Variants in PTPRB observed in about 807,000 individuals in gnomAD.
PTPRB encodes protein tyrosine phosphatase receptor type B.
In PTPRB, 97 loss-of-function variants were observed where a neutral mutation model predicts 238.1. The observed-to-expected ratio is 0.41, with a 90% CI of 0.35 to 0.48. The LOEUF (loss-of-function observed/expected upper bound fraction) is 0.48. PTPRB is among the 20% of genes least tolerant of loss of function. The pLI, the probability that PTPRB is intolerant of heterozygous loss-of-function variation, is 0.30. For synonymous variants in PTPRB, 970 were observed against 995.4 expected (o/e 0.97, Z 0.48); for missense variants, 2,292 against 2,681.9 (o/e 0.85, Z 3.21).
chr12:70,566,615 C>T lies in PTPRB; in HGVS notation c.3724G>A (p.Glu1242Lys), dbSNP rs368832248. ...GTTAGAAGCAGGATATCATATCTTT[C>T]TGCCACACCAGCAGCTTTTTGCCAA... is the stretch of plus-strand genomic sequence containing the variant. ...VSWQKAAGVA[E>K]RYDILLLTEN... The change falls in exon 15 of 34, where the codon GAA becomes AAA. Residue 1242 changes from glutamate (E) to lysine (K), a missense_variant. Glu to Lys is a moderately conservative substitution (Grantham distance 56). Around this residue, in one of 4 missense-constraint regions of PTPRB, gnomAD observed 683 missense variants for 862.0 expected, o/e 0.79. Coordinates refer to ENST00000334414, the MANE Select transcript of PTPRB (RefSeq NM_001109754.4). 1 of 1,614,000 alleles carries T rather than the reference C, an allele frequency of 6.2e-7. No individual in the cohort carries two copies. Among genetic ancestry groups the T allele is most frequent in the Non-Finnish European group, 8.5e-7 (1 of 1,179,904 alleles).
chr12:70,536,049 C>T lies in PTPRB; in HGVS notation c.6057G>A (p.Val2019=). ...WEQNVHNIVM[V]TQCVEKGRVK... The stretch of plus-strand genomic sequence containing the variant: ...CTCGGCCCTTCTCAACACACTGGGT[C>T]ACCATGACGATGTTGTGAACGTTTT... The change falls in exon 29 of 34, where the codon GTG becomes GTA. Residue 2019 remains valine (V), a synonymous_variant. Coordinates refer to ENST00000334414, the MANE Select transcript of PTPRB (RefSeq NM_001109754.4). 1.9e-6 allele frequency: 3 copies of T among 1,613,678 alleles called. No homozygotes were observed. The highest frequency in any genetic ancestry group is 2.5e-6 in the Non-Finnish European group (3 of 1,179,750).
chr12:70,628,291 T>C (rs1486063952), intron 2 of PTPRB, among the ~76,000 whole-genome samples: 1 of 152,206 alleles, frequency 6.6e-6, no homozygotes, highest in Non-Finnish European at 1.5e-5. Flanking sequence ...ACATTCTATA[T>C]TCAGTGTTAC....
chr12:70,584,414 A>G (rs943401199), intron 9 of PTPRB, among the ~76,000 whole-genome samples: 1 of 152,174 alleles, frequency 6.6e-6, no homozygotes, highest in Non-Finnish European at 1.5e-5. Context: ...AGAAATGCCA[A>G]TCAATCTTGA....
intron 12 of PTPRB, 161 bp from the exon 13 acceptor site, chr12:70,571,450 A>G: frequency 1.4e-6 from 1 of 729,654 alleles, no homozygotes; most frequent in Non-Finnish European, 2.2e-6. Flanking sequence ...ATTGGAAGCA[A>G]CTATTAACAT....
chr12:70,614,774 T>C (rs867107247), intron 3 of PTPRB, among the ~76,000 whole-genome samples: 6 of 152,172 alleles, frequency 3.9e-5, no homozygotes, highest in African/African-American at 1.4e-4. Flanking sequence ...CTTTTCTGAG[T>C]TTTACTTCGA....
At position 70,571,097 on chromosome 12, in the gene PTPRB, C is replaced by T. The variant is rs760734939; in HGVS notation, c.3299G>A (p.Arg1100His). 26 of 1,613,734 alleles carry T rather than the reference C, an allele frequency of 1.6e-5. No homozygotes were observed. The highest frequency in any genetic ancestry group is 2.2e-5 in the East Asian group (1 of 44,888). The change falls in exon 13 of 34, where the codon CGC becomes CAC. Residue 1100 changes from arginine to histidine, a missense_variant. Physicochemically the swap from Arg to His is conservative, Grantham distance 29 (BLOSUM62 0). Coordinates refer to ENST00000334414, the MANE Select transcript of PTPRB (RefSeq NM_001109754.4). ...CGTCAAGACAAGAATTTTGTATTGG[C>T]GGCCTGGTGTTAGGGAAGTAAATCG... is the stretch of plus-strand genomic sequence containing the variant. ...EYRFTSLTPG[R>H]QYKILVLTIS...
Position 70,560,460 on chromosome 12 carries a change from C to G in PTPRB, c.4432+211G>C, listed in dbSNP as rs1182571181. Among the ~76,000 whole-genome samples the G allele has an allele frequency of 6.6e-6, 1 of 152,190 alleles. No individual in the cohort carries two copies. Among genetic ancestry groups the G allele is most frequent in the Non-Finnish European group, 1.5e-5 (1 of 68,030 alleles). The stretch of plus-strand genomic sequence containing the variant: ...AGGCCTAGAGATGCTCAATGACTTG[C>G]CCAGATTCATAGAGCTAAGCTAAGG... On this transcript the variant is annotated intron_variant, in intron 17 of 33. Transcript: ENST00000334414. The surrounding 1 kb of genome is among the most constrained non-coding windows in gnomAD (Gnocchi z 4.2).
intron 2 of PTPRB, among the ~76,000 whole-genome samples, chr12:70,630,905 A>G (rs1268370548): frequency 1.3e-5 from 2 of 152,174 alleles, no homozygotes; most frequent in Admixed American, 6.5e-5. Flanking sequence ...AGAACTACAA[A>G]CCACTGCTCA....
At chr12:70,548,990 C>T (rs958827563) in intron 21 of PTPRB, among the ~76,000 whole-genome samples, 1 of 152,162 alleles carries the variant, frequency 6.6e-6, no homozygotes, top group Non-Finnish European at 1.5e-5. Flanking sequence ...AATTTATTTT[C>T]CTTTATTCCT....
intron 21 of PTPRB, among the ~76,000 whole-genome samples, chr12:70,546,546 G>A (rs73142934): frequency 0.11 from 16,577 of 152,234 alleles, 1,270 homozygotes; most frequent in South Asian, 0.2. Context: ...TGATAGAGAA[G>A]ACTTCAAGGG....
At chr12:70,621,365 T>C (rs149453714) in intron 3 of PTPRB, among the ~76,000 whole-genome samples, 51 of 152,186 alleles carry the variant, frequency 3.4e-4, no homozygotes, top group African/African-American at 1.2e-3. Context: ...TTTCCTGGAG[T>C]TGGTATTTTT....
intron 4 of PTPRB, among the ~76,000 whole-genome samples, chr12:70,600,115 C>G (rs1442428881): frequency 6.6e-6 from 1 of 151,898 alleles, no homozygotes; most frequent in Non-Finnish European, 1.5e-5. Context: ...AATGTCTAGA[C>G]TCTTTAGAAT....
Position 70,576,364 on chromosome 12 carries a change from A to G in PTPRB, c.2842+18T>C, listed in dbSNP as rs533989443. Reference sequence around the variant, plus strand: ...TGAATTGGTTCTTACGGAGCCCTGAACCTTCATACAGCCTTACCTGTCCGC... The same window carrying G: ...TGAATTGGTTCTTACGGAGCCCTGAGCCTTCATACAGCCTTACCTGTCCGC... On this transcript the variant is annotated intron_variant, in intron 11 of 33. Coordinates refer to ENST00000334414, the MANE Select transcript of PTPRB (RefSeq NM_001109754.4). 7 of 1,609,192 alleles carry G rather than the reference A, an allele frequency of 4.4e-6. No homozygotes were observed. The East Asian group carries it at 1.6e-4, about 36-fold the overall frequency.
intron 3 of PTPRB, among the ~76,000 whole-genome samples, chr12:70,611,199 A>G (rs1473453865): frequency 3.3e-5 from 5 of 152,208 alleles, no homozygotes; most frequent in Non-Finnish European, 5.9e-5. Context: ...ACATAAAGCT[A>G]TGTTATTGTC....
intron 33 of PTPRB, among the ~76,000 whole-genome samples, chr12:70,524,103 C>A (rs954600893): frequency 6.6e-6 from 1 of 151,190 alleles, no homozygotes; most frequent in Non-Finnish European, 1.5e-5. Flanking sequence ...CAGCTAGAAT[C>A]TTTTCTTTCT....
chr12:70,555,774 G>C, intron 19 of PTPRB, 96 bp downstream of exon 19: 1 of 1,429,198 alleles, frequency 7.0e-7, no homozygotes, highest in Admixed American at 2.3e-5. Context: ...TGAAGTGTAT[G>C]CAAGTGAATA....
chr12:70,625,465 T>G (rs539414734), intron 2 of PTPRB, among the ~76,000 whole-genome samples: 1 of 152,262 alleles, frequency 6.6e-6, no homozygotes, highest in East Asian at 1.9e-4. Context: ...AAAAGAAATT[T>G]GAATCATTTC....
rs536468975 is a variant in PTPRB at position 70,617,560 on chromosome 12, T to TGG, written c.708+4829_708+4830insCC. Among the ~76,000 whole-genome samples, 640 of 152,336 alleles carry TGG rather than the reference T, an allele frequency of 4.2e-3. 5 individuals are homozygous for TGG. Among genetic ancestry groups the TGG allele is most frequent in the African/African-American group, 0.015 (619 of 41,586 alleles). The stretch of plus-strand genomic sequence containing the variant: ...CTCAGTGAAGGGGAATTTTTTCCCA[T>TGG]CTTTAGTTCTGGCTACAGAACAGTA... On this transcript the variant is annotated intron_variant, in intron 3 of 33. Coordinates refer to ENST00000334414, the MANE Select transcript of PTPRB (RefSeq NM_001109754.4).
Position 70,555,984 on chromosome 12 carries a change from G to T in PTPRB, c.4879C>A (p.Leu1627Met), listed in dbSNP as rs775988667. 2.1e-4 allele frequency: 335 copies of T among 1,613,844 alleles called. No homozygotes were observed. Among genetic ancestry groups the T allele is most frequent in the Non-Finnish European group, 2.8e-4 (332 of 1,179,894 alleles). The change falls in exon 19 of 34, where the codon CTG becomes ATG. Residue 1627 changes from leucine to methionine, a missense_variant. Transcript: ENST00000334414. ...GGCACTAGCATCATGATGTTGAGCA[G>T]AGATTTTTCTTTCTCCAGCTTTCTG... is the stretch of plus-strand genomic sequence containing the variant. ...FSRKLEKEKS[L>M]LNIMMLVPHK...
Sources: gnomAD v4.1 joint callset for allele counts (sites outside exome capture counted in the v4.1 genomes callset) on GRCh38, gnomAD v4.1.1 for gene constraint, gnomAD v4.1.1 regional missense constraint, Gnocchi (gnomAD v3.1) non-coding constraint, MANE v1.5 for transcripts, NCBI Gene and HGNC (gene_info 2026-07-23, HGNC 2026-07-21) for gene names.